Variants in PKP2 observed in about 807,000 individuals in gnomAD.
PKP2 encodes the protein plakophilin-2.
In PKP2, 73 loss-of-function variants were observed where a neutral mutation model predicts 83.4. That is an observed-to-expected ratio of 0.88 (90% CI 0.72 to 1.06). The LOEUF (loss-of-function observed/expected upper bound fraction) is 1.06, where lower values mean the gene tolerates loss of function less well. PKP2 is among the 50% of genes least tolerant of loss of function. The pLI is 0.00. For synonymous variants in PKP2, 409 were observed against 430.4 expected, an observed-to-expected ratio of 0.95 and a Z score of 0.62; for missense variants, 966 against 1,065.4, an observed-to-expected ratio of 0.91 and a Z score of 1.30.
At chr12:32,804,173 G>A (rs1390543563) in intron 9 of PKP2, among the ~76,000 whole-genome samples, 1 of 152,126 alleles carries the variant, frequency 6.6e-6, no homozygotes, top group African/African-American at 2.4e-5. Flanking sequence ...TTTGTTTTCA[G>A]GTGAGAAGAA....
At chr12:32,839,270 A>G (rs1409828537) in intron 6 of PKP2, among the ~76,000 whole-genome samples, 2 of 151,998 alleles carry the variant, frequency 1.3e-5, no homozygotes, top group African/African-American at 4.8e-5. Flanking sequence ...CCAGGCTTGG[A>G]CAATCCAGGC....
intron 6 of PKP2, among the ~76,000 whole-genome samples, chr12:32,829,306 G>C (rs891337650): frequency 2.0e-5 from 3 of 150,288 alleles, no homozygotes; most frequent in African/African-American, 7.4e-5. Context: ...CCAGGCTGGA[G>C]TGTGGTGGCA....
At chr12:32,797,175 C>T (rs1266972533) in intron 10 of PKP2, among the ~76,000 whole-genome samples, 1 of 151,980 alleles carries the variant, frequency 6.6e-6, no homozygotes, top group African/African-American at 2.4e-5. Context: ...TTCGGTGGCT[C>T]ACACCTGTAA....
Position 32,841,908 on chromosome 12 carries a change from T to C in PKP2, c.1379-703A>G, listed in dbSNP as rs372294455. On this transcript the variant is annotated intron_variant, in intron 5 of 12. Coordinates refer to ENST00000340811, the MANE Select transcript of PKP2 (RefSeq NM_001005242.3). ...AACAGCATCTTCCCTATTGGCCAAC[T>C]TGCATGGCCTAAGTACTGCTCAAAG... 3.0e-4 allele frequency among the ~76,000 whole-genome samples: 45 copies of C among 152,380 alleles called. No individual in the cohort carries two copies. The East Asian group carries it at 7.7e-3, about 26-fold the overall frequency.
chr12:32,850,983 A>G lies in PKP2; in HGVS notation c.1171-10T>C, dbSNP rs200122872. 1,868 of 1,606,820 alleles carry G rather than the reference A, an allele frequency of 1.2e-3. 5 individuals carry two copies. The highest frequency in any genetic ancestry group is 1.5e-3 in the Non-Finnish European group (1,722 of 1,174,072). Reference sequence around the variant, plus strand: ...CACGAAGCTGGTTAACCTGGGGAAGAAGCAGATGCATATTTCTAATATTAA... The same window carrying G: ...CACGAAGCTGGTTAACCTGGGGAAGGAGCAGATGCATATTTCTAATATTAA... On this transcript the variant is annotated splice_polypyrimidine_tract_variant and intron_variant, in intron 4 of 12. Transcript: ENST00000340811.
In PKP2 at chr12:32,858,126, T is replaced by TATA. The variant is rs1292787879; in HGVS notation, c.1171-7154_1171-7153insTAT. 2.3e-3 allele frequency among the ~76,000 whole-genome samples: 223 copies of TATA among 98,988 alleles called. 5 individuals are homozygous for TATA. Among genetic ancestry groups the TATA allele is most frequent in the African/African-American group, 9.1e-3 (219 of 24,084 alleles). The allele number at this position is 98,988 out of a possible 152,430, so 64.9% of individuals were successfully genotyped here. On this transcript the variant is annotated intron_variant, in intron 4 of 12. Transcript: ENST00000340811. ...ATATATATATATATATTTATATATA[T>TATA]TTTATATTTATATATATATATATAT...
intron 1 of PKP2, chr12:32,893,899 A>G (rs920356834): frequency 6.8e-6 from 1 of 146,536 alleles, no homozygotes; most frequent in Non-Finnish European, 1.5e-5. Context: ...TCCTGCCACC[A>G]GGAGTAACTT....
At chr12:32,821,048 G>A (rs1956370670) in intron 9 of PKP2, 2 of 371,508 alleles carry the variant, frequency 5.4e-6, no homozygotes, top group South Asian at 2.3e-5. Context: ...GTCCAGTCAC[G>A]ACAGAAAGAA....
chr12:32,859,891 G>A (rs1049881362), intron 4 of PKP2, among the ~76,000 whole-genome samples: 3 of 152,136 alleles, frequency 2.0e-5, no homozygotes, highest in African/African-American at 7.2e-5. Flanking sequence ...GGTAGTAATG[G>A]TACATGGAAA....
In PKP2 at chr12:32,868,869, C is replaced by T; in HGVS notation, c.1170+58G>A. ...AATTATTGGTTTCAGTGTGCAAAGTCACCATAATAGAAGTGAAAGTGTGTT... is the reference window on the plus strand; with the variant it reads ...AATTATTGGTTTCAGTGTGCAAAGTTACCATAATAGAAGTGAAAGTGTGTT... On this transcript the variant is annotated intron_variant, in intron 4 of 12. Transcript: ENST00000340811. The T allele has an allele frequency of 1.9e-6, 3 of 1,563,510 alleles. No homozygotes were observed. In the South Asian group the frequency reaches 3.3e-5, roughly 17 times the overall value.
chr12:32,826,078 G>A (rs1752648997), intron 6 of PKP2, among the ~76,000 whole-genome samples: 1 of 152,018 alleles, frequency 6.6e-6, no homozygotes. Context: ...GCCGAGGCAG[G>A]CGGATCATGA....
At chr12:32,819,576 C>T (rs144654910) in intron 9 of PKP2, among the ~76,000 whole-genome samples, 1 of 152,212 alleles carries the variant, frequency 6.6e-6, no homozygotes, top group African/African-American at 2.4e-5. Context: ...AAGACTATTA[C>T]CCAACACAGG....
intron 6 of PKP2, among the ~76,000 whole-genome samples, chr12:32,828,899 T>C (rs955048316): frequency 2.0e-5 from 3 of 151,958 alleles, no homozygotes; most frequent in Non-Finnish European, 4.4e-5. Flanking sequence ...TTCACCACCA[T>C]ACAAAATAAA....
intron 6 of PKP2, among the ~76,000 whole-genome samples, chr12:32,833,787 T>C (rs1956521528): frequency 6.6e-6 from 1 of 152,162 alleles, no homozygotes; most frequent in African/African-American, 2.4e-5. Flanking sequence ...AGGCATAAAA[T>C]GCATTGAGAA....
At chr12:32,871,896 C>A (rs1956898989) in intron 3 of PKP2, among the ~76,000 whole-genome samples, 1 of 152,180 alleles carries the variant, frequency 6.6e-6, no homozygotes, top group Non-Finnish European at 1.5e-5. Flanking sequence ...TGTACCCCAT[C>A]CCCTAGAACA....
At chr12:32,867,066 G>A (rs1297604812) in intron 4 of PKP2, among the ~76,000 whole-genome samples, 3 of 152,162 alleles carry the variant, frequency 2.0e-5, no homozygotes, top group Non-Finnish European at 2.9e-5. Flanking sequence ...GGTGGCTCAC[G>A]CCTGTAACCC....
chr12:32,870,199 G>A (rs1956884089), intron 3 of PKP2, among the ~76,000 whole-genome samples: 1 of 152,138 alleles, frequency 6.6e-6, no homozygotes, highest in East Asian at 1.9e-4. Context: ...CTACTAGCAA[G>A]CATAGTGAGT....
chr12:32,826,101 A>G (rs957299347), intron 6 of PKP2, among the ~76,000 whole-genome samples: 1 of 152,024 alleles, frequency 6.6e-6, no homozygotes, highest in Admixed American at 6.6e-5. Context: ...TCAGGAGATC[A>G]AGACCATCTG....
intron 7 of PKP2, 133 bp from the exon 8 acceptor site, chr12:32,822,764 TG>T: frequency 1.1e-6 from 1 of 883,074 alleles, no homozygotes; most frequent in South Asian, 1.4e-5. Context: ...GCGGGTTGCC[TG>T]GGGGAAATGC....
Sources: gnomAD v4.1 joint callset for allele counts (sites outside exome capture counted in the v4.1 genomes callset) on GRCh38, gnomAD v4.1.1 for gene constraint, MANE v1.5 for transcripts, NCBI Gene and HGNC (gene_info 2026-07-23, HGNC 2026-07-21) for gene names.